The following ZNRF2 variants were observed in gnomAD, a reference collection of about 807,000 sequenced individuals.
ZNRF2 encodes E3 ubiquitin-protein ligase ZNRF2.
Under a neutral mutation model 20.4 loss-of-function variants are expected in ZNRF2, and 16 were observed. The ratio of observed to expected loss-of-function variants is 0.79; its 90% CI spans 0.53 to 1.19. The LOEUF (loss-of-function observed/expected upper bound fraction) is 1.19. Among genes scored for constraint, ZNRF2 ranks in the 50% most tolerant of loss-of-function variants. The pLI, the probability that ZNRF2 is intolerant of heterozygous loss-of-function variation, is 0.00. For synonymous variants in ZNRF2, 178 were observed against 144.9 expected, an observed-to-expected ratio of 1.23 and a Z score of -1.64; for missense variants, 363 against 332.4, an observed-to-expected ratio of 1.09 and a Z score of -0.72.
At chr7:30,346,165 G>C (rs1799874050) in intron 2 of ZNRF2, among the ~76,000 whole-genome samples, 1 of 67,466 alleles carries the variant, frequency 1.5e-5, no homozygotes, top group South Asian at 5.6e-4. Context: ...TTTCTGTTAA[G>C]TCTGATTTTT....
At chr7:30,345,159 A>G (rs985404557) in intron 2 of ZNRF2, among the ~76,000 whole-genome samples, 1 of 152,080 alleles carries the variant, frequency 6.6e-6, no homozygotes, top group Non-Finnish European at 1.5e-5. Context: ...ATTTTTGACT[A>G]CAGATAGGCA....
intron 1 of ZNRF2, among the ~76,000 whole-genome samples, chr7:30,319,278 G>A (rs532108538): frequency 6.6e-6 from 1 of 152,270 alleles, no homozygotes; most frequent in East Asian, 1.9e-4. Context: ...AATAAGAGTT[G>A]TCTGAAAAGT....
chr7:30,294,108 G>A (rs1327248452), intron 1 of ZNRF2, among the ~76,000 whole-genome samples: 1 of 152,034 alleles, frequency 6.6e-6, no homozygotes, highest in African/African-American at 2.4e-5. Context: ...TGCTCAGTTT[G>A]AACAACACAT....
At chr7:30,295,098 T>TGTGTGTGTGA (rs1798996541) in intron 1 of ZNRF2, among the ~76,000 whole-genome samples, 2 of 142,016 alleles carry the variant, frequency 1.4e-5, no homozygotes, top group Admixed American at 1.4e-4. Context: ...TGTGTGTGTG[T>TGTGTGTGTGA]GTGATTGCAG....
At chr7:30,288,037 TC>T (rs1437627709) in intron 1 of ZNRF2, among the ~76,000 whole-genome samples, 1 of 152,196 alleles carries the variant, frequency 6.6e-6, no homozygotes, top group African/African-American at 2.4e-5. Context: ...TAAAAACCCA[TC>T]TTAGTGGCAT....
chr7:30,290,506 G>C (rs1380508597), intron 1 of ZNRF2, among the ~76,000 whole-genome samples: 1 of 152,204 alleles, frequency 6.6e-6, no homozygotes, highest in Non-Finnish European at 1.5e-5. Flanking sequence ...ATTTCCTTGT[G>C]TCTGTTAGGT....
intron 3 of ZNRF2, among the ~76,000 whole-genome samples, chr7:30,356,680 A>G (rs1435110347): frequency 6.6e-6 from 1 of 151,574 alleles, no homozygotes; most frequent in East Asian, 1.9e-4. Context: ...ATAGAATGAC[A>G]AAAAGTATAT....
chr7:30,356,406 A>G (rs180959785), intron 3 of ZNRF2, among the ~76,000 whole-genome samples: 20 of 152,308 alleles, frequency 1.3e-4, no homozygotes, highest in Admixed American at 2.0e-4. Context: ...GAAATAAAAC[A>G]AAATATGGAT....
intron 3 of ZNRF2, among the ~76,000 whole-genome samples, chr7:30,361,799 C>T (rs367974019): frequency 6.6e-6 from 1 of 151,844 alleles, no homozygotes; most frequent in Non-Finnish European, 1.5e-5. Context: ...TCCACAATGA[C>T]GATGATCATA....
In ZNRF2 at chr7:30,289,211, C is replaced by T. The variant is rs1232373861; in HGVS notation, c.469+3385C>T. On this transcript the variant is annotated intron_variant, in intron 1 of 4. Coordinates refer to ENST00000323037, the MANE Select transcript of ZNRF2 (RefSeq NM_147128.4). ...GAGTATTTCAGTAGTCTGATTGTAACTCAGGTGCCTTGCTACTTGTGAAAC... is the reference window on the plus strand; with the variant it reads ...GAGTATTTCAGTAGTCTGATTGTAATTCAGGTGCCTTGCTACTTGTGAAAC... Among the ~76,000 whole-genome samples, 13 of 152,304 alleles carry T rather than the reference C, an allele frequency of 8.5e-5. No homozygotes were observed. In the South Asian group the frequency reaches 1.9e-3, roughly 22 times the overall value.
intron 2 of ZNRF2, among the ~76,000 whole-genome samples, chr7:30,345,295 T>G (rs1419285767): frequency 2.0e-5 from 3 of 152,064 alleles, no homozygotes; most frequent in South Asian, 2.1e-4. Flanking sequence ...TTCTAGTGCT[T>G]CTTCTAGTTT....
rs113042242 is a variant in ZNRF2 at position 30,301,251 on chromosome 7, G to T, written c.469+15425G>T. Among the ~76,000 whole-genome samples, 638 of 152,272 alleles carry T rather than the reference G, an allele frequency of 4.2e-3. 3 individuals are homozygous for T. The highest frequency in any genetic ancestry group is 0.015 in the African/African-American group (605 of 41,546). On this transcript the variant is annotated intron_variant, in intron 1 of 4. Transcript: ENST00000323037. ...TAATCCTACCACTTTGGGAGGCAGA[G>T]GTGGGCGGATCACTTGAGGTCAGGA...
At chr7:30,348,020 C>G (rs1224427242) in intron 2 of ZNRF2, among the ~76,000 whole-genome samples, 1 of 152,026 alleles carries the variant, frequency 6.6e-6, no homozygotes, top group Non-Finnish European at 1.5e-5. Context: ...AAATATTTTT[C>G]CTGTTCATAC....
At chr7:30,362,922 C>T (rs1466828941) in intron 4 of ZNRF2, among the ~76,000 whole-genome samples, 2 of 151,918 alleles carry the variant, frequency 1.3e-5, no homozygotes, top group Admixed American at 6.6e-5. Context: ...TTGAGACCAT[C>T]CCTGGCTAAC....
intron 2 of ZNRF2, among the ~76,000 whole-genome samples, chr7:30,335,661 G>C (rs951846041): frequency 6.6e-6 from 1 of 152,116 alleles, no homozygotes; most frequent in African/African-American, 2.4e-5. Flanking sequence ...CACGTTTAGA[G>C]ATAACTAGGC....
chr7:30,297,730 T>G (rs1376052965), intron 1 of ZNRF2, among the ~76,000 whole-genome samples: 1 of 142,518 alleles, frequency 7.0e-6, no homozygotes, highest in East Asian at 2.0e-4. Context: ...AGCTGCTTTC[T>G]GTGATTTTTT....
Position 30,284,807 on chromosome 7 carries a change from G to C in ZNRF2, c.-551G>C, listed in dbSNP as rs746327833. On this transcript the variant is annotated 5_prime_UTR_variant, in exon 1 of 5. Coordinates refer to ENST00000323037, the MANE Select transcript of ZNRF2 (RefSeq NM_147128.4). Reference sequence around the variant, plus strand: ...CCCATTTTTCGTTCTCCCCTCGCGCGCCACCCGTTTTTCCTCTTTCTCCGT... The same window carrying C: ...CCCATTTTTCGTTCTCCCCTCGCGCCCCACCCGTTTTTCCTCTTTCTCCGT... 1 of 187,836 alleles carries C rather than the reference G, an allele frequency of 5.3e-6. No individual in the cohort carries two copies. Among genetic ancestry groups the C allele is most frequent in the Non-Finnish European group, 1.2e-5 (1 of 86,538 alleles). The allele number at this position is 187,836 out of a possible 1,614,324, so 11.6% of individuals were successfully genotyped here. A position where few individuals can be genotyped will look rare whatever the true frequency, so the allele number is the denominator to read the frequency against.
At chr7:30,363,487 G>A (rs2127958550) in intron 4 of ZNRF2, among the ~76,000 whole-genome samples, 1 of 152,290 alleles carries the variant, frequency 6.6e-6, no homozygotes, top group South Asian at 2.1e-4. Flanking sequence ...TGGTTCCAAA[G>A]ACTGTTCTTA....
chr7:30,331,040 C>G (rs1799628900), intron 2 of ZNRF2, among the ~76,000 whole-genome samples: 1 of 152,146 alleles, frequency 6.6e-6, no homozygotes, highest in South Asian at 2.1e-4. Flanking sequence ...ACTGACTGTT[C>G]TCCATGGAGT....
Sources: allele counts gnomAD v4.1 joint callset (sites outside exome capture counted in the v4.1 genomes callset), GRCh38; gene constraint gnomAD v4.1.1; transcripts MANE v1.5; gene names NCBI Gene and HGNC (gene_info 2026-07-23, HGNC 2026-07-21).